The following GRK3 variants were observed in gnomAD, a reference collection of about 807,000 sequenced individuals.
The protein encoded by GRK3 is G protein-coupled receptor kinase 3, also known as adrenergic, beta, receptor kinase 2.
Under a neutral mutation model 95.7 loss-of-function variants are expected in GRK3, and 54 were observed. That is an observed-to-expected ratio of 0.56 (90% CI 0.45 to 0.71). GRK3 has a LOEUF of 0.71. Ranked by LOEUF, GRK3 falls within the 30% of genes least tolerant of loss-of-function variation. The pLI is 0.00. For missense variants in GRK3, 649 were observed against 851.2 expected (o/e 0.76, Z 2.96); for synonymous variants, 281 against 290.8 (o/e 0.97, Z 0.34).
At chr22:25,632,956 G>C (rs1458148890) in intron 2 of GRK3, among the ~76,000 whole-genome samples, 1 of 152,076 alleles carries the variant, frequency 6.6e-6, no homozygotes. Context: ...TGTCACCCAG[G>C]CTGGAGTGCA....
At chr22:25,687,483 A>AT in intron 10 of GRK3, 54 bp from the exon 11 acceptor site, 1 of 1,591,920 alleles carries the variant, frequency 6.3e-7, no homozygotes, top group South Asian at 1.1e-5. Context: ...TGACAATGAT[A>AT]TTTGTTTCCT....
At chr22:25,663,242 C>T (rs563951120) in intron 4 of GRK3, among the ~76,000 whole-genome samples, 11 of 152,224 alleles carry the variant, frequency 7.2e-5, no homozygotes, top group East Asian at 1.9e-4. Context: ...CCAGGCTGAT[C>T]GCGAACTTCT....
chr22:25,577,738 C>T (rs1394258996), intron 1 of GRK3, among the ~76,000 whole-genome samples: 1 of 152,194 alleles, frequency 6.6e-6, no homozygotes, highest in African/African-American at 2.4e-5. Context: ...CATGAGATGT[C>T]AGAACTCTGA....
At chr22:25,605,308 C>T (rs1486169269) in intron 2 of GRK3, among the ~76,000 whole-genome samples, 1 of 152,182 alleles carries the variant, frequency 6.6e-6, no homozygotes, top group Non-Finnish European at 1.5e-5. Context: ...TTTCATCCTG[C>T]TCCTCAGGAG....
intron 3 of GRK3, among the ~76,000 whole-genome samples, chr22:25,652,311 G>A (rs1340799437): frequency 6.6e-6 from 1 of 152,128 alleles, no homozygotes; most frequent in Non-Finnish European, 1.5e-5. Flanking sequence ...GGTGCCTGTA[G>A]TCCCAGCTAC....
intron 2 of GRK3, among the ~76,000 whole-genome samples, chr22:25,609,809 G>A (rs1239335148): frequency 6.8e-6 from 1 of 147,312 alleles, no homozygotes; most frequent in African/African-American, 2.5e-5. Flanking sequence ...ATAATTTGGT[G>A]TCTGATATAT....
Position 25,707,380 on chromosome 22 carries a change from T to C in GRK3, c.1329-2518T>C, listed in dbSNP as rs564734593. Among the ~76,000 whole-genome samples, 3 of 152,332 alleles carry C rather than the reference T, an allele frequency of 2.0e-5. No homozygotes were observed. The East Asian group carries it at 5.8e-4, about 29-fold the overall frequency. On this transcript the variant is annotated intron_variant, in intron 15 of 20. Transcript: ENST00000324198. Reference sequence around the variant, plus strand: ...CCAGTAAAAATGCACAAGGATATGCTCTGACTTGGATCCCATTCTTTCATT... The same window carrying C: ...CCAGTAAAAATGCACAAGGATATGCCCTGACTTGGATCCCATTCTTTCATT...
intron 15 of GRK3, among the ~76,000 whole-genome samples, chr22:25,706,041 T>A (rs2085297082): frequency 6.6e-6 from 1 of 152,220 alleles, no homozygotes; most frequent in African/African-American, 2.4e-5. Context: ...CATAGAACTC[T>A]TATTAGCTGG....
At chr22:25,703,437 C>A in intron 13 of GRK3, 73 bp from the exon 14 acceptor site, 2 of 1,180,612 alleles carry the variant, frequency 1.7e-6, no homozygotes. Context: ...ATACTTTACC[C>A]AAATATTAGT....
chr22:25,575,423 G>A (rs1029405745), intron 1 of GRK3, among the ~76,000 whole-genome samples: 4 of 152,122 alleles, frequency 2.6e-5, no homozygotes, highest in African/African-American at 4.8e-5. Context: ...GGAAACTTAT[G>A]CTCTAGAACT....
At position 25,725,762 on chromosome 22, in the gene GRK3, G is replaced by T. The variant is rs1338601613; in HGVS notation, c.*3312G>T. On this transcript the variant is annotated 3_prime_UTR_variant, in exon 21 of 21. Transcript: ENST00000324198. ...GAGATTGAGACCATCCTGGTTAGCA[G>T]AGTGAAACCCCGTCTCTACTAAAAA... 4 of 395,700 alleles carry T rather than the reference G, an allele frequency of 1.0e-5. No individual in the cohort carries two copies. Among genetic ancestry groups the T allele is most frequent in the South Asian group, 1.4e-4 (1 of 7,114 alleles). 24.5% of individuals were successfully genotyped at this position (395,700 alleles called of 1,614,324 possible).
intron 5 of GRK3, among the ~76,000 whole-genome samples, chr22:25,666,735 A>G (rs552074931): frequency 3.2e-4 from 49 of 152,176 alleles, no homozygotes; most frequent in African/African-American, 1.1e-3. Context: ...GTACTGTTCC[A>G]TGATGTAGTT....
chr22:25,586,596 T>TG (rs1376457252), intron 1 of GRK3, among the ~76,000 whole-genome samples: 1 of 152,174 alleles, frequency 6.6e-6, no homozygotes, highest in Non-Finnish European at 1.5e-5. Context: ...GGAACAGAGG[T>TG]GGGAGGGCTC....
At chr22:25,622,693 GA>G (rs1281376072) in intron 2 of GRK3, among the ~76,000 whole-genome samples, 1 of 152,212 alleles carries the variant, frequency 6.6e-6, no homozygotes, top group Non-Finnish European at 1.5e-5. Context: ...GCTGGGATCA[GA>G]GTGGGAGCAT....
chr22:25,594,790 A>T (rs1938843097), intron 1 of GRK3, among the ~76,000 whole-genome samples: 1 of 152,038 alleles, frequency 6.6e-6, no homozygotes, highest in South Asian at 2.1e-4. Context: ...AGGCAGGAGA[A>T]TGGCGTGAAC....
intron 2 of GRK3, among the ~76,000 whole-genome samples, chr22:25,622,347 C>T (rs1846039410): frequency 6.6e-6 from 1 of 152,298 alleles, no homozygotes; most frequent in South Asian, 2.1e-4. Context: ...TCAGCCAGAT[C>T]ATAGCGTTTG....
chr22:25,679,027 G>A, intron 9 of GRK3, 112 bp downstream of exon 9: 1 of 673,360 alleles, frequency 1.5e-6, no homozygotes, highest in African/African-American at 1.8e-5. Flanking sequence ...TTCTTGGGTG[G>A]GTTAGAATCT....
chr22:25,667,288 T>A (rs1217304586), intron 5 of GRK3, among the ~76,000 whole-genome samples: 2 of 152,228 alleles, frequency 1.3e-5, no homozygotes, highest in African/African-American at 4.8e-5. Flanking sequence ...TTACAGATGC[T>A]TTTATTAGCT....
At chr22:25,721,003 G>A (rs1010911540) in intron 19 of GRK3, among the ~76,000 whole-genome samples, 9 of 152,146 alleles carry the variant, frequency 5.9e-5, no homozygotes, top group East Asian at 1.9e-4. Context: ...GTAGGCTTGC[G>A]ATTCATCATC....
Sources: allele counts gnomAD v4.1 joint callset (sites outside exome capture counted in the v4.1 genomes callset), GRCh38; gene constraint gnomAD v4.1.1; transcripts MANE v1.5; gene names NCBI Gene and HGNC (gene_info 2026-07-23, HGNC 2026-07-21).